Variants in ADAMTS18 observed in about 807,000 individuals in gnomAD.
The protein encoded by ADAMTS18 is ADAM metallopeptidase with thrombospondin type 1 motif 18.
A neutral mutation model predicts 165.9 loss-of-function variants in ADAMTS18; 157 were observed. That is an observed-to-expected ratio of 0.95 (90% confidence interval 0.83 to 1.08). The LOEUF (loss-of-function observed/expected upper bound fraction) is 1.08. Among genes scored for constraint, ADAMTS18 ranks in the 50% least tolerant of loss-of-function variants. The probability of loss-of-function intolerance (pLI) is 0.00; values close to 1 mark genes in which losing one functional copy is unlikely to be tolerated. For synonymous variants in ADAMTS18, 782 were observed against 578.2 expected (o/e 1.35, Z -5.06); for missense variants, 2,040 against 1,534.0 (o/e 1.33, Z -5.51).
chr16:77,335,920 G>T lies in ADAMTS18; in HGVS notation c.1711-16C>A, dbSNP rs2056303226. 6.2e-7 allele frequency: 1 copy of T among 1,614,170 alleles called. No homozygotes were observed. Among genetic ancestry groups the T allele is most frequent in the Non-Finnish European group, 8.5e-7 (1 of 1,180,024 alleles). On this transcript the variant is annotated splice_polypyrimidine_tract_variant and intron_variant, in intron 11 of 22. Transcript: ENST00000282849. ...GCCGACACCACTGTGAAAAGAACGT[G>T]TAAGATGGTTCCCGTCAGAGACCAC...
intron 16 of ADAMTS18, among the ~76,000 whole-genome samples, chr16:77,310,625 T>C (rs971689391): frequency 9.7e-5 from 14 of 144,054 alleles, no homozygotes; most frequent in Non-Finnish European, 1.4e-4. Flanking sequence ...GATTTATGTC[T>C]TAACCTTTTT....
chr16:77,354,926 T>C (rs1037998088), intron 9 of ADAMTS18, among the ~76,000 whole-genome samples: 3 of 152,184 alleles, frequency 2.0e-5, no homozygotes, highest in African/African-American at 7.2e-5. Flanking sequence ...TTAAAACTAA[T>C]AGGAAAATCT....
chr16:77,406,990 T>A (rs2057401098), intron 3 of ADAMTS18, among the ~76,000 whole-genome samples: 1 of 152,048 alleles, frequency 6.6e-6, no homozygotes, highest in African/African-American at 2.4e-5. Context: ...TATTGGGTAC[T>A]CTGCTCACTA....
chr16:77,365,556 G>A (rs1039119686), intron 4 of ADAMTS18, among the ~76,000 whole-genome samples: 2 of 152,164 alleles, frequency 1.3e-5, no homozygotes, highest in Admixed American at 6.6e-5. Flanking sequence ...TTCATAACTG[G>A]CAAAGGGTGC....
rs761526928 is a variant in ADAMTS18, at chr16:77,319,966, G to T, written c.2415C>A (p.Ser805Arg). The stretch of plus-strand genomic sequence containing the variant: ...AGGGGAACTCCCCAGGCCAGTCGAT[G>T]CTCCAGCCCCCGGTGAGGTAATACT... Reference protein sequence around the residue: ...SQKYYLTGGWSIDWPGEFPFA... With the variant: ...SQKYYLTGGWRIDWPGEFPFA... Residue 805 changes from serine to arginine, a missense_variant, in exon 16 of 23, where the codon AGC (serine) becomes AGA (arginine). Ser to Arg is a moderately radical substitution (Grantham distance 110). Transcript: ENST00000282849. 1 of 1,614,200 alleles carries T rather than the reference G, an allele frequency of 6.2e-7. No individual in the cohort carries two copies. The highest frequency in any genetic ancestry group is 1.1e-5 in the South Asian group (1 of 91,080).
chr16:77,431,827 C>T, intron 2 of ADAMTS18: 1 of 593,092 alleles, frequency 1.7e-6, no homozygotes, highest in South Asian at 2.0e-5. Flanking sequence ...GCCCGAAAGC[C>T]AAGCACAATT....
intron 3 of ADAMTS18, among the ~76,000 whole-genome samples, chr16:77,383,280 G>C (rs1042356950): frequency 2.0e-5 from 3 of 151,840 alleles, no homozygotes; most frequent in Admixed American, 2.0e-4. Context: ...ACTACAAGAT[G>C]AATTCTTGAC....
Position 77,353,903 on chromosome 16 carries a change from T to C in ADAMTS18, c.1461-17A>G. 1 of 1,614,074 alleles carries C rather than the reference T, an allele frequency of 6.2e-7. No homozygotes were observed. Among genetic ancestry groups the C allele is most frequent in the East Asian group, 2.2e-5 (1 of 44,884 alleles). On this transcript the variant is annotated splice_polypyrimidine_tract_variant and intron_variant, in intron 9 of 22. Coordinates refer to ENST00000282849, the MANE Select transcript of ADAMTS18 (RefSeq NM_199355.4). Reference sequence around the variant, plus strand: ...TGAGGTGTGCTGTAATGACAATACATGCTTATTAATTACTCTGTTGATCTG... The same window carrying C: ...TGAGGTGTGCTGTAATGACAATACACGCTTATTAATTACTCTGTTGATCTG...
At chr16:77,292,827 C>T (rs16945464) in intron 20 of ADAMTS18, among the ~76,000 whole-genome samples, 30,674 of 150,208 alleles carry the variant, frequency 0.2, 3,761 homozygotes, top group East Asian at 0.44. Context: ...CCAGCAGTGA[C>T]TTTTTTTTTT....
At chr16:77,314,060 A>G (rs563043391) in intron 16 of ADAMTS18, among the ~76,000 whole-genome samples, 3 of 152,276 alleles carry the variant, frequency 2.0e-5, no homozygotes, top group African/African-American at 7.2e-5. Context: ...TCAAATAAAA[A>G]TGCTGAGGGG....
chr16:77,353,176 A>C (rs2056580592), intron 10 of ADAMTS18, among the ~76,000 whole-genome samples: 1 of 152,212 alleles, frequency 6.6e-6, no homozygotes, highest in Non-Finnish European at 1.5e-5. Flanking sequence ...ACCAAGTGTA[A>C]CAACGTGTCT....
At chr16:77,358,421 G>A (rs918446548) in intron 8 of ADAMTS18, among the ~76,000 whole-genome samples, 37 of 152,206 alleles carry the variant, frequency 2.4e-4, no homozygotes, top group African/African-American at 8.4e-4. Flanking sequence ...AATTAGCCAG[G>A]CATGGTAGTG....
intron 10 of ADAMTS18, among the ~76,000 whole-genome samples, chr16:77,343,230 T>C (rs1042778819): frequency 2.0e-5 from 3 of 152,140 alleles, no homozygotes; most frequent in African/African-American, 4.8e-5. Flanking sequence ...CGCACCACCA[T>C]GTCCGGCCAC....
chr16:77,349,282 C>A (rs561651405), intron 10 of ADAMTS18, among the ~76,000 whole-genome samples: 22 of 152,006 alleles, frequency 1.4e-4, no homozygotes, highest in African/African-American at 5.3e-4. Flanking sequence ...AAGATGGCTA[C>A]AAGATGAAAA....
intron 2 of ADAMTS18, among the ~76,000 whole-genome samples, chr16:77,433,060 G>A (rs1036356270): frequency 2.0e-5 from 3 of 152,030 alleles, no homozygotes; most frequent in Non-Finnish European, 4.4e-5. Flanking sequence ...TCTTAACCTT[G>A]AAAATCTGAG....
chr16:77,325,900 C>T lies in ADAMTS18; in HGVS notation c.1998G>A (p.Trp666Ter), dbSNP rs1254842178. 2 of 1,614,018 alleles carry T rather than the reference C, an allele frequency of 1.2e-6. No homozygotes were observed. Among genetic ancestry groups the T allele is most frequent in the Non-Finnish European group, 1.7e-6 (2 of 1,179,974 alleles). ...AEYNSKPFRGWFYQWKPYTKV... is the reference protein window; with the variant it reads ...AEYNSKPFRG ...TTGTATAGGGTTTCCACTGGTAGAACCATCCACGGAAAGGTTTGCTGTTAT... is the reference window on the plus strand; with the variant it reads ...TTGTATAGGGTTTCCACTGGTAGAATCATCCACGGAAAGGTTTGCTGTTAT... The change falls in exon 13 of 23, where the codon TGG becomes TGA. Residue 666 changes from tryptophan to a stop codon, truncating the protein, a stop_gained. Transcript: ENST00000282849. LOFTEE classifies it high-confidence loss of function.
chr16:77,405,464 C>T (rs1243090512), intron 3 of ADAMTS18, among the ~76,000 whole-genome samples: 1 of 152,156 alleles, frequency 6.6e-6, no homozygotes, highest in Non-Finnish European at 1.5e-5. Context: ...ATGTTGAGGA[C>T]ATAAACCTTA....
At chr16:77,392,485 G>A (rs932700597) in intron 3 of ADAMTS18, among the ~76,000 whole-genome samples, 2 of 152,064 alleles carry the variant, frequency 1.3e-5, no homozygotes, top group African/African-American at 4.8e-5. Flanking sequence ...CCACCTCAGA[G>A]AAAACTTCCC....
chr16:77,322,640 T>G (rs1299150061), intron 13 of ADAMTS18, among the ~76,000 whole-genome samples, 174 bp from the exon 14 acceptor site: 2 of 152,214 alleles, frequency 1.3e-5, no homozygotes, highest in Admixed American at 6.5e-5. Context: ...ATGAGTCCCA[T>G]GTAACAATCC....
Sources: gnomAD v4.1 joint callset for allele counts (sites outside exome capture counted in the v4.1 genomes callset) on GRCh38, gnomAD v4.1.1 for gene constraint, MANE v1.5 for transcripts, NCBI Gene and HGNC (gene_info 2026-07-23, HGNC 2026-07-21) for gene names.